IARS2: variants seen among roughly 807,000 people sequenced by gnomAD.
The protein encoded by IARS2 is isoleucyl-tRNA synthetase 2, mitochondrial.
In IARS2, 56 loss-of-function variants were observed where a neutral mutation model predicts 126.3. The observed-to-expected ratio is 0.44, with a 90% CI of 0.36 to 0.55. The LOEUF is 0.55. Ranked by LOEUF, IARS2 falls within the 20% of genes least tolerant of loss-of-function variation. The probability of loss-of-function intolerance (pLI) is 0.00; values close to 1 mark genes in which losing one functional copy is unlikely to be tolerated. For synonymous variants in IARS2, 407 were observed against 441.1 expected, an observed-to-expected ratio of 0.92 and a Z score of 0.97; for missense variants, 1,127 against 1,245.9, an observed-to-expected ratio of 0.90 and a Z score of 1.44.
intron 12 of IARS2, among the ~76,000 whole-genome samples, chr1:220,120,237 A>G (rs111849159): frequency 2.0e-5 from 3 of 151,904 alleles, no homozygotes; most frequent in African/African-American, 7.2e-5. Flanking sequence ...TTGCGCCACT[A>G]TGCCTGGCTG....
At chr1:220,103,917 G>C (rs1335558222) in intron 8 of IARS2, among the ~76,000 whole-genome samples, 1 of 152,190 alleles carries the variant, frequency 6.6e-6, no homozygotes, top group Non-Finnish European at 1.5e-5. Context: ...TTTAATAAAG[G>C]ATTGAATAAG....
rs1656389226 is a variant in IARS2, at chr1:220,094,285, GA to G, written c.70del (p.Thr24ArgfsTer50). 4 of 1,610,524 alleles carry G rather than the reference GA, an allele frequency of 2.5e-6. No homozygotes were observed. The highest frequency in any genetic ancestry group is 3.4e-6 in the Non-Finnish European group (4 of 1,178,728). ...TGGCCACTGCCCGAAGTTTGTGGGG[GA>G]CGCCCCGCCTTCCCTGCAGCCCGGG... ...ALATARSLWG[T>X]PRLPCSPGWQ... On this transcript the variant is annotated frameshift_variant, in exon 1 of 23. Coordinates refer to ENST00000366922, the MANE Select transcript of IARS2 (RefSeq NM_018060.4). LOFTEE classifies it high-confidence loss of function.
chr1:220,126,670 T>C, intron 13 of IARS2, 80 bp from the exon 14 acceptor site: 2 of 992,664 alleles, frequency 2.0e-6, no homozygotes, highest in Non-Finnish European at 3.1e-6. Context: ...TTTCATTTTC[T>C]GAAGACTTTT....
At chr1:220,134,614 GT>G in intron 15 of IARS2, 104 bp downstream of exon 15, 1 of 585,478 alleles carries the variant, frequency 1.7e-6, no homozygotes, top group Non-Finnish European at 2.9e-6. Flanking sequence ...ATTGCTTACA[GT>G]GTCCTGTAAG....
intron 1 of IARS2, among the ~76,000 whole-genome samples, chr1:220,095,682 A>T (rs1240226314): frequency 6.6e-6 from 1 of 152,208 alleles, no homozygotes; most frequent in African/African-American, 2.4e-5. Flanking sequence ...TTAGACTGCC[A>T]TGCATGTTGT....
chr1:220,143,040 G>A lies in IARS2; in HGVS notation c.2657G>A (p.Arg886Gln). The change falls in exon 21 of 23, where the codon CGA (arginine) becomes CAA (glutamine). Residue 886 changes from arginine (R) to glutamine (Q), a missense_variant. Transcript: ENST00000366922. ...GCTGTGGAGAGTGCGTGTGCAATGC[G>A]AGACTCATTTCTTGGAAGCATCCCT... Reference protein sequence around the residue: ...EEAVESACAMRDSFLGSIPGK... With the variant: ...EEAVESACAMQDSFLGSIPGK... The A allele has an allele frequency of 6.2e-7, 1 of 1,614,138 alleles. No homozygotes were observed. Among genetic ancestry groups the A allele is most frequent in the East Asian group, 2.2e-5 (1 of 44,878 alleles).
At chr1:220,114,116 C>A (rs1379016470) in intron 11 of IARS2, among the ~76,000 whole-genome samples, 198 bp from the exon 12 acceptor site, 1 of 152,112 alleles carries the variant, frequency 6.6e-6, no homozygotes, top group Non-Finnish European at 1.5e-5. Flanking sequence ...TTATTAAGTT[C>A]TTCGCGGCTC....
Position 220,146,717 on chromosome 1 carries a change from G to A in IARS2, c.2897-776G>A, listed in dbSNP as rs532750061. Among the ~76,000 whole-genome samples, 42 of 152,180 alleles carry A rather than the reference G, an allele frequency of 2.8e-4. No individual in the cohort carries two copies. The South Asian group carries it at 8.5e-3, about 31-fold the overall frequency. Reference sequence around the variant, plus strand: ...GGACGGAATTTCGCTTGTCACCCAGGCTGGAGTGCAATGGCGCAATCTTGG... The same window carrying A: ...GGACGGAATTTCGCTTGTCACCCAGACTGGAGTGCAATGGCGCAATCTTGG... On this transcript the variant is annotated intron_variant, in intron 22 of 22. Transcript: ENST00000366922.
intron 2 of IARS2, among the ~76,000 whole-genome samples, chr1:220,096,878 C>A (rs1001960994): frequency 1.3e-5 from 2 of 152,056 alleles, no homozygotes; most frequent in South Asian, 4.1e-4. Flanking sequence ...AACCCCGTCT[C>A]TACTAAAAAT....
chr1:220,130,205 T>C (rs529367336), intron 14 of IARS2, among the ~76,000 whole-genome samples: 1 of 152,074 alleles, frequency 6.6e-6, no homozygotes, highest in Non-Finnish European at 1.5e-5. Flanking sequence ...TGTAATGAGG[T>C]TTTTTTTGTT....
intron 12 of IARS2, among the ~76,000 whole-genome samples, chr1:220,121,706 A>G (rs1033100058): frequency 1.3e-5 from 2 of 152,152 alleles, no homozygotes; most frequent in African/African-American, 2.4e-5. Flanking sequence ...TGGCCTCCCA[A>G]AGTGCTAGGA....
At chr1:220,105,711 A>G (rs1656665930) in intron 8 of IARS2, among the ~76,000 whole-genome samples, 180 bp from the exon 9 acceptor site, 1 of 152,180 alleles carries the variant, frequency 6.6e-6, no homozygotes, top group Admixed American at 6.6e-5. Context: ...GGGAACCATA[A>G]TTATCTGCAT....
intron 12 of IARS2, among the ~76,000 whole-genome samples, chr1:220,122,542 G>C (rs949566750): frequency 6.6e-6 from 1 of 152,282 alleles, no homozygotes; most frequent in African/African-American, 2.4e-5. Flanking sequence ...TATGATTTAG[G>C]AAACACAAAT....
chr1:220,101,746 A>G (rs925390296), intron 3 of IARS2, among the ~76,000 whole-genome samples: 2 of 152,100 alleles, frequency 1.3e-5, no homozygotes, highest in Admixed American at 1.3e-4. Context: ...CACGCCTGTA[A>G]TCCCAGCACT....
intron 1 of IARS2, among the ~76,000 whole-genome samples, chr1:220,095,717 A>G (rs1376918328): frequency 6.6e-6 from 1 of 152,236 alleles, no homozygotes; most frequent in Non-Finnish European, 1.5e-5. Context: ...AATGGCAAGC[A>G]TTGCCGCCAA....
chr1:220,124,819 G>A (rs1657120186), intron 12 of IARS2, among the ~76,000 whole-genome samples: 1 of 152,200 alleles, frequency 6.6e-6, no homozygotes, highest in Admixed American at 6.5e-5. Flanking sequence ...AGGGTAGGAG[G>A]AAGTACTCTC....
At chr1:220,121,067 C>A (rs1657041833) in intron 12 of IARS2, among the ~76,000 whole-genome samples, 1 of 152,026 alleles carries the variant, frequency 6.6e-6, no homozygotes, top group Non-Finnish European at 1.5e-5. Flanking sequence ...ACAAATTTTT[C>A]TTTTGTTCTG....
At chr1:220,098,775 C>A (rs1656504296) in intron 2 of IARS2, among the ~76,000 whole-genome samples, 1 of 152,000 alleles carries the variant, frequency 6.6e-6, no homozygotes, top group African/African-American at 2.4e-5. Flanking sequence ...TATGATATTG[C>A]TACTATTCTT....
At position 220,134,483 on chromosome 1, in the gene IARS2, T is replaced by C. The variant is rs758113250; in HGVS notation, c.1919T>C (p.Val640Ala). 8 of 1,612,924 alleles carry C rather than the reference T, an allele frequency of 5.0e-6. No individual in the cohort carries two copies. The African/African-American group carries it at 1.1e-4, about 22-fold the overall frequency. ...GWFQSSLLTS[V>A]AARKRAPYKT... ...TTTCAGTCATCCTTATTAACAAGTG[T>C]GGCAGCAAGGAAGAGAGCACCTTAT... Residue 640 changes from valine (V) to alanine (A), a missense_variant, in exon 15 of 23, where the codon GTG (valine) becomes GCG (alanine). By Grantham distance (64) the Val-to-Ala change is moderately conservative (BLOSUM62 0). Coordinates refer to ENST00000366922, the MANE Select transcript of IARS2 (RefSeq NM_018060.4).
Sources: allele counts gnomAD v4.1 joint callset (sites outside exome capture counted in the v4.1 genomes callset), GRCh38; gene constraint gnomAD v4.1.1; transcripts MANE v1.5; gene names NCBI Gene and HGNC (gene_info 2026-07-23, HGNC 2026-07-21).